SCFD2: variants seen among roughly 807,000 people sequenced by gnomAD.
SCFD2 encodes sec1 family domain containing 2.
SCFD2 carries 54 observed loss-of-function variants against 58.9 expected under a neutral mutation model. The ratio of observed to expected loss-of-function variants is 0.92; its 90% CI spans 0.74 to 1.15. The LOEUF (loss-of-function observed/expected upper bound fraction) is 1.15, where lower values mean the gene tolerates loss of function less well. SCFD2 is among the 50% of genes most tolerant of loss of function. The probability of loss-of-function intolerance (pLI) is 0.00; values close to 1 mark genes in which losing one functional copy is unlikely to be tolerated. For synonymous variants in SCFD2, 321 were observed against 335.9 expected (o/e 0.96, Z 0.49); for missense variants, 805 against 836.6 (o/e 0.96, Z 0.47).
chr4:52,994,330 TGAGCGGGGAAGTGGAAA>T (rs2086726817), intron 5 of SCFD2, among the ~76,000 whole-genome samples: 1 of 152,236 alleles, frequency 6.6e-6, no homozygotes, highest in South Asian at 2.1e-4. Context: ...CCTGAAATTA[TGAGCGGGGAAGTGGAAA>T]GAGCACGGGA....
intron 4 of SCFD2, among the ~76,000 whole-genome samples, chr4:53,222,067 C>G (rs1729063007): frequency 6.6e-6 from 1 of 152,232 alleles, no homozygotes; most frequent in Admixed American, 6.5e-5. Context: ...ACTAAAACAG[C>G]TTTTCACAAC....
intron 8 of SCFD2, among the ~76,000 whole-genome samples, chr4:52,878,585 C>A (rs2109439913): frequency 6.6e-6 from 1 of 152,146 alleles, no homozygotes; most frequent in Middle Eastern, 3.4e-3. Context: ...GCTAAGATCA[C>A]CCTAAAATTC....
chr4:53,121,319 G>A (rs1451424039), intron 5 of SCFD2, among the ~76,000 whole-genome samples: 2 of 152,146 alleles, frequency 1.3e-5, no homozygotes, highest in African/African-American at 2.4e-5. Context: ...CTTCTAAGGG[G>A]CAACCATGAT....
chr4:53,014,172 GCT>G (rs1362013326), intron 5 of SCFD2, among the ~76,000 whole-genome samples: 1 of 152,214 alleles, frequency 6.6e-6, no homozygotes, highest in African/African-American at 2.4e-5. Context: ...AGTGCAGAGT[GCT>G]ATGAGACAGA....
chr4:52,877,565 CAT>C (rs1020217904), intron 8 of SCFD2, among the ~76,000 whole-genome samples: 3 of 152,248 alleles, frequency 2.0e-5, no homozygotes, highest in African/African-American at 7.2e-5. Flanking sequence ...ACCCACCCCA[CAT>C]GATTATGTGA....
intron 5 of SCFD2, among the ~76,000 whole-genome samples, chr4:52,936,996 C>T (rs1720154764): frequency 6.6e-6 from 1 of 151,980 alleles, no homozygotes; most frequent in Non-Finnish European, 1.5e-5. Flanking sequence ...GGAGTCTACA[C>T]TTCAATGGTG....
chr4:52,890,948 T>C (rs557453250), intron 7 of SCFD2, among the ~76,000 whole-genome samples: 45 of 152,198 alleles, frequency 3.0e-4, no homozygotes, highest in Non-Finnish European at 6.2e-4. Flanking sequence ...CCACTCAGTT[T>C]CTCTTTATTT....
At chr4:52,934,273 T>C (rs1720072512) in intron 5 of SCFD2, among the ~76,000 whole-genome samples, 1 of 152,194 alleles carries the variant, frequency 6.6e-6, no homozygotes, top group Admixed American at 6.5e-5. Context: ...AGGACCAGCC[T>C]TAATGAACAG....
chr4:53,156,910 C>A (rs2148923375), intron 4 of SCFD2, among the ~76,000 whole-genome samples: 1 of 152,338 alleles, frequency 6.6e-6, no homozygotes, highest in African/African-American at 2.4e-5. Flanking sequence ...CATGCAATAG[C>A]ATTGTTACTT....
intron 5 of SCFD2, among the ~76,000 whole-genome samples, chr4:53,110,560 A>G (rs1026711701): frequency 6.6e-6 from 1 of 151,560 alleles, no homozygotes; most frequent in Non-Finnish European, 1.5e-5. Flanking sequence ...CAAACAAACA[A>G]CCCCATCAAA....
rs571837171 is a variant in SCFD2, at chr4:53,163,211, G to T, written c.1312-17629C>A. 3.9e-5 allele frequency among the ~76,000 whole-genome samples: 6 copies of T among 152,302 alleles called. No individual in the cohort carries two copies. The South Asian group carries it at 1.2e-3, about 32-fold the overall frequency. Reference sequence around the variant, plus strand: ...ATTCTGGAATGTTCTCTGCTCCAACGGAGAAGTCTGGACAAACTCCAAAAA... The same window carrying T: ...ATTCTGGAATGTTCTCTGCTCCAACTGAGAAGTCTGGACAAACTCCAAAAA... On this transcript the variant is annotated intron_variant, in intron 4 of 8. Coordinates refer to ENST00000401642, the MANE Select transcript of SCFD2 (RefSeq NM_152540.4).
At chr4:53,036,682 G>A (rs989413682) in intron 5 of SCFD2, among the ~76,000 whole-genome samples, 7 of 151,970 alleles carry the variant, frequency 4.6e-5, no homozygotes, top group South Asian at 2.1e-4. Flanking sequence ...ATCACACGCC[G>A]GGGCCTGTCA....
chr4:52,985,168 G>A lies in SCFD2; in HGVS notation c.1562-64298C>T, dbSNP rs572245785. Among the ~76,000 whole-genome samples the A allele has an allele frequency of 2.0e-5, 3 of 152,264 alleles. No homozygotes were observed. The East Asian group carries it at 5.8e-4, about 29-fold the overall frequency. ...GATCATAAAATACTTATTTAATACT[G>A]TTTGACTGTGTGACTGCTCCTTCGC... On this transcript the variant is annotated intron_variant, in intron 5 of 8. Coordinates refer to ENST00000401642, the MANE Select transcript of SCFD2 (RefSeq NM_152540.4).
chr4:52,913,410 G>T (rs1196720188), intron 6 of SCFD2, among the ~76,000 whole-genome samples: 3 of 152,138 alleles, frequency 2.0e-5, no homozygotes, highest in African/African-American at 7.2e-5. Context: ...TGTGAACTGC[G>T]CATGTGAGGG....
At chr4:53,212,625 G>C (rs530802371) in intron 4 of SCFD2, among the ~76,000 whole-genome samples, 98 of 142,676 alleles carry the variant, frequency 6.9e-4, no homozygotes, top group African/African-American at 2.6e-3. Flanking sequence ...GTGTCTGTGT[G>C]TGTTGACGTG....
At chr4:53,250,506 T>C (rs987257858) in intron 4 of SCFD2, among the ~76,000 whole-genome samples, 1 of 152,068 alleles carries the variant, frequency 6.6e-6, no homozygotes, top group African/African-American at 2.4e-5. Context: ...AAAGCTCTCC[T>C]CAGCAAATGT....
At chr4:53,170,948 T>C (rs1987029) in intron 4 of SCFD2, among the ~76,000 whole-genome samples, 11 of 152,200 alleles carry the variant, frequency 7.2e-5, no homozygotes, top group Non-Finnish European at 1.5e-4. Flanking sequence ...GGGTTTTCTA[T>C]ACATGAGATC....
At chr4:52,980,828 T>TC (rs1721360332) in intron 5 of SCFD2, among the ~76,000 whole-genome samples, 2 of 152,162 alleles carry the variant, frequency 1.3e-5, no homozygotes, top group Non-Finnish European at 2.9e-5. Flanking sequence ...CACAGCGCCT[T>TC]CTTCTATTAC....
chr4:53,039,602 C>A (rs1206189583), intron 5 of SCFD2, among the ~76,000 whole-genome samples: 1 of 152,192 alleles, frequency 6.6e-6, no homozygotes, highest in African/African-American at 2.4e-5. Context: ...TGAGTTTAGG[C>A]ATATCTTTTG....
Sources: allele counts gnomAD v4.1 joint callset (sites outside exome capture counted in the v4.1 genomes callset), GRCh38; gene constraint gnomAD v4.1.1; transcripts MANE v1.5; gene names NCBI Gene and HGNC (gene_info 2026-07-23, HGNC 2026-07-21).